The following SORCS1 variants were observed in gnomAD, a reference collection of about 807,000 sequenced individuals.
SORCS1 encodes the protein VPS10 domain-containing receptor SorCS1.
Under a neutral mutation model 146.1 loss-of-function variants are expected in SORCS1, and 60 were observed. That is an observed-to-expected ratio of 0.41 (90% CI 0.33 to 0.51). The LOEUF (loss-of-function observed/expected upper bound fraction) is 0.51. Among genes scored for constraint, SORCS1 ranks in the 20% least tolerant of loss-of-function variants. The probability of loss-of-function intolerance (pLI) is 0.21; values close to 1 mark genes in which losing one functional copy is unlikely to be tolerated. For missense variants in SORCS1, 1,352 were observed against 1,487.6 expected, an observed-to-expected ratio of 0.91 and a Z score of 1.50; for synonymous variants, 637 against 584.0, an observed-to-expected ratio of 1.09 and a Z score of -1.31.
intron 4 of SORCS1, among the ~76,000 whole-genome samples, chr10:106,772,305 A>G (rs1860080260): frequency 6.6e-6 from 1 of 152,088 alleles, no homozygotes; most frequent in African/African-American, 2.4e-5. Flanking sequence ...CAGGACTTAC[A>G]CCATTGGTTC....
At position 106,963,110 on chromosome 10, in the gene SORCS1, A is replaced by ATTTTTTT. The variant is rs749174613; in HGVS notation, c.559-6537_559-6531dup. ...AAGAGAGCAGTGTTCAATGGCCAGA[A>ATTTTTTT]TTTTTTTTTTTTTTTTTTTTTTTTT... On this transcript the variant is annotated intron_variant, in intron 1 of 25. Coordinates refer to ENST00000263054, the MANE Select transcript of SORCS1 (RefSeq NM_052918.5). Among the ~76,000 whole-genome samples, 33 of 76,302 alleles carry ATTTTTTT rather than the reference A, an allele frequency of 4.3e-4. 6 individuals are homozygous for ATTTTTTT. The highest frequency in any genetic ancestry group is 1.5e-3 in the African/African-American group (32 of 21,916). 50.1% of individuals were successfully genotyped at this position (76,302 alleles called of 152,430 possible). A position where few individuals can be genotyped will look rare whatever the true frequency, so the allele number is the denominator to read the frequency against.
chr10:106,716,048 G>A (rs1358604052), intron 6 of SORCS1, among the ~76,000 whole-genome samples: 1 of 152,074 alleles, frequency 6.6e-6, no homozygotes, highest in Non-Finnish European at 1.5e-5. Flanking sequence ...ACCACACCCG[G>A]CCACTTCTTT....
intron 5 of SORCS1, among the ~76,000 whole-genome samples, chr10:106,749,211 G>A (rs543355865): frequency 4.6e-5 from 7 of 152,274 alleles, no homozygotes; most frequent in East Asian, 1.9e-4. Flanking sequence ...GGAAAGGGGC[G>A]CAGTCAATTC....
intron 20 of SORCS1, 59 bp downstream of exon 20, chr10:106,620,369 G>C: frequency 3.2e-6 from 5 of 1,566,294 alleles, no homozygotes; most frequent in Non-Finnish European, 2.6e-6. Flanking sequence ...TCCCTCCTTT[G>C]CTTCAGGCAG....
chr10:106,838,557 C>T (rs1226079653), intron 2 of SORCS1, among the ~76,000 whole-genome samples: 2 of 152,136 alleles, frequency 1.3e-5, no homozygotes, highest in Non-Finnish European at 2.9e-5. Context: ...AATAGTTTCA[C>T]TCGGTCAAAA....
intron 2 of SORCS1, among the ~76,000 whole-genome samples, chr10:106,856,310 G>C (rs577624769): frequency 6.6e-6 from 1 of 152,110 alleles, no homozygotes; most frequent in Non-Finnish European, 1.5e-5. Context: ...TACTACAGGC[G>C]TGAGCCACCC....
At chr10:106,929,157 G>T (rs1426952986) in intron 2 of SORCS1, among the ~76,000 whole-genome samples, 1 of 152,074 alleles carries the variant, frequency 6.6e-6, no homozygotes, top group African/African-American at 2.4e-5. Flanking sequence ...TTCAAGGGTG[G>T]CTTAGCCTTA....
intron 17 of SORCS1, among the ~76,000 whole-genome samples, chr10:106,654,855 T>A (rs1415779084): frequency 1.4e-5 from 2 of 145,448 alleles, no homozygotes; most frequent in Non-Finnish European, 3.0e-5. Flanking sequence ...TTCCATCTGA[T>A]TTTTTTTTTT....
chr10:106,672,383 A>G (rs915375983), intron 15 of SORCS1, among the ~76,000 whole-genome samples: 2 of 152,196 alleles, frequency 1.3e-5, no homozygotes, highest in African/African-American at 2.4e-5. Flanking sequence ...TCATACCAGA[A>G]GTACCTTGCA....
At chr10:107,014,497 G>A (rs999757113) in intron 1 of SORCS1, among the ~76,000 whole-genome samples, 1 of 152,122 alleles carries the variant, frequency 6.6e-6, no homozygotes, top group Admixed American at 6.5e-5. Flanking sequence ...ACTAGGAATT[G>A]CCAAAATGCT....
chr10:106,734,962 A>G (rs113918006), intron 5 of SORCS1, among the ~76,000 whole-genome samples: 6,945 of 152,166 alleles, frequency 0.046, 475 homozygotes, highest in African/African-American at 0.16. Context: ...ACTGGCCAAC[A>G]TGGCAAAACC....
intron 6 of SORCS1, among the ~76,000 whole-genome samples, chr10:106,724,536 TA>T (rs896749469): frequency 6.6e-6 from 1 of 151,440 alleles, no homozygotes; most frequent in Middle Eastern, 3.4e-3. Flanking sequence ...AAAATAAAAA[TA>T]AAAAAATAAA....
At chr10:107,086,961 G>A (rs188119063) in intron 1 of SORCS1, among the ~76,000 whole-genome samples, 114 of 152,318 alleles carry the variant, frequency 7.5e-4, no homozygotes, top group African/African-American at 2.5e-3. Flanking sequence ...CCTGGGAGGC[G>A]GAGCTTGCAG....
chr10:106,781,752 G>T (rs1408521009), intron 3 of SORCS1, among the ~76,000 whole-genome samples: 3 of 152,176 alleles, frequency 2.0e-5, no homozygotes, highest in Non-Finnish European at 4.4e-5. Context: ...CTTCCCAGAT[G>T]AGCTGAGGGA....
chr10:106,905,677 C>G (rs1336586495), intron 2 of SORCS1, among the ~76,000 whole-genome samples: 1 of 152,124 alleles, frequency 6.6e-6, no homozygotes, highest in Non-Finnish European at 1.5e-5. Context: ...TTTTCCAATA[C>G]TACATCATTT....
chr10:106,686,894 C>T (rs368552393), intron 10 of SORCS1, among the ~76,000 whole-genome samples: 11 of 152,212 alleles, frequency 7.2e-5, no homozygotes, highest in East Asian at 5.8e-4. Flanking sequence ...AAGCTGAGTG[C>T]GGATAACATC....
At chr10:106,944,268 C>G (rs1014262979) in intron 2 of SORCS1, among the ~76,000 whole-genome samples, 1 of 152,202 alleles carries the variant, frequency 6.6e-6, no homozygotes, top group African/African-American at 2.4e-5. Context: ...GGATAAATGT[C>G]AGAATACTTA....
chr10:106,962,073 C>A (rs1256828440), intron 1 of SORCS1, among the ~76,000 whole-genome samples: 3 of 152,152 alleles, frequency 2.0e-5, no homozygotes, highest in African/African-American at 7.2e-5. Context: ...ACTTAGCCTG[C>A]CTACTGCTCA....
chr10:106,925,587 T>C (rs1952974380), intron 2 of SORCS1, among the ~76,000 whole-genome samples: 2 of 152,198 alleles, frequency 1.3e-5, no homozygotes, highest in Admixed American at 6.5e-5. Flanking sequence ...TCCCTCACTG[T>C]TCCCTCCACT....
Sources: gnomAD v4.1 joint callset for allele counts (sites outside exome capture counted in the v4.1 genomes callset) on GRCh38, gnomAD v4.1.1 for gene constraint, MANE v1.5 for transcripts, NCBI Gene and HGNC (gene_info 2026-07-23, HGNC 2026-07-21) for gene names.